DOCK8: variants seen among roughly 807,000 people sequenced by gnomAD.
The protein encoded by DOCK8 is dedicator of cytokinesis 8, also known as dedicator of cytokinesis protein 8.
Under a neutral mutation model 245.6 loss-of-function variants are expected in DOCK8, and 141 were observed. The observed-to-expected ratio is 0.57, with a 90% CI of 0.50 to 0.66. DOCK8 has a LOEUF of 0.66. Ranked by LOEUF, DOCK8 falls within the 30% of genes least tolerant of loss-of-function variation. The pLI, the probability that DOCK8 is intolerant of heterozygous loss-of-function variation, is 0.00. For missense variants in DOCK8, 2,965 were observed against 2,603.4 expected (o/e 1.14, Z -3.02); for synonymous variants, 1,168 against 970.2 (o/e 1.20, Z -3.79).
intron 29 of DOCK8, among the ~76,000 whole-genome samples, chr9:415,617 T>C (rs879606716): frequency 3.9e-5 from 6 of 152,122 alleles, no homozygotes; most frequent in Non-Finnish European, 2.9e-5. Flanking sequence ...GAACTTCTTA[T>C]GTTGACCTGA....
intron 40 of DOCK8, among the ~76,000 whole-genome samples, chr9:439,761 CA>C (rs1564071109): frequency 6.6e-6 from 1 of 151,904 alleles, no homozygotes; most frequent in Non-Finnish European, 1.5e-5. Context: ...TTTTTCCTCT[CA>C]GAGAGAAAAA....
At chr9:420,250 T>C (rs2056218653) in intron 30 of DOCK8, 151 bp from the exon 31 acceptor site, 1 of 859,214 alleles carries the variant, frequency 1.2e-6, no homozygotes, top group South Asian at 1.5e-5. Context: ...GCAGGGCTAC[T>C]GGCAATAGAT....
Position 382,493 on chromosome 9 carries a change from C to A in DOCK8, c.2606-20C>A. 6.2e-7 allele frequency: 1 copy of A among 1,613,240 alleles called. No individual in the cohort carries two copies. On this transcript the variant is annotated intron_variant, in intron 21 of 47. Transcript: ENST00000432829. ...TCTGTTCCCCTGTCTGTTGACATGT[C>A]TCTGCCTGGTGGGGTGCAGGCGCTC...
intron 20 of DOCK8, among the ~76,000 whole-genome samples, chr9:378,086 A>G (rs67283074): frequency 0.28 from 42,472 of 152,096 alleles, 6,697 homozygotes; most frequent in African/African-American, 0.43. Flanking sequence ...AACCAAGAGC[A>G]TCTCAGACCT....
rs573285982 is a variant in DOCK8, at chr9:385,011, G to A, written c.2779-1320G>A. On this transcript the variant is annotated intron_variant, in intron 22 of 47. Transcript: ENST00000432829. ...TAGTTTGAGCCATCAGGAATTATTC[G>A]TATTCTATCCTTTTTGACTTACAAA... Among the ~76,000 whole-genome samples the A allele has an allele frequency of 1.5e-3, 226 of 152,290 alleles. 1 individual carries two copies. Among genetic ancestry groups the A allele is most frequent in the African/African-American group, 5.0e-3 (206 of 41,564 alleles).
At chr9:441,838 CATA>C in intron 41 of DOCK8, 34 bp from the exon 42 acceptor site, 2 of 1,613,806 alleles carry the variant, frequency 1.2e-6, no homozygotes, top group Non-Finnish European at 1.7e-6. Flanking sequence ...CTCAGGATGA[CATA>C]ACTAAGGAGA....
At chr9:392,947 G>T (rs2054268197) in intron 24 of DOCK8, among the ~76,000 whole-genome samples, 1 of 151,854 alleles carries the variant, frequency 6.6e-6, no homozygotes, top group African/African-American at 2.4e-5. Flanking sequence ...TTACCTGGGT[G>T]TGGTAACATG....
chr9:317,303 T>TC (rs1451571906), intron 7 of DOCK8, among the ~76,000 whole-genome samples, 175 bp downstream of exon 7: 5 of 152,210 alleles, frequency 3.3e-5, no homozygotes, highest in African/African-American at 1.2e-4. Context: ...GGATTTTTTT[T>TC]CTACCAACTT....
At chr9:458,846 G>T (rs10974576) in intron 46 of DOCK8, among the ~76,000 whole-genome samples, 85,581 of 151,686 alleles carry the variant, frequency 0.56, 27,544 homozygotes, top group East Asian at 0.95. Context: ...TGCAGGGGGG[G>T]TGAGGGCAGC....
intron 22 of DOCK8, 128 bp downstream of exon 22, chr9:382,813 C>A: frequency 8.2e-7 from 1 of 1,215,122 alleles, no homozygotes. Context: ...TAATGCTCAG[C>A]TTTGGAGTGA....
At chr9:365,775 C>A in intron 14 of DOCK8, 1 of 400,068 alleles carries the variant, frequency 2.5e-6, no homozygotes, top group Non-Finnish European at 4.9e-6. Context: ...GCTTAACAGA[C>A]ATTAGCTCTG....
chr9:214,212 T>C, upstream of DOCK8: 1 of 403,564 alleles, frequency 2.5e-6, no homozygotes. Flanking sequence ...TTAGCAGACC[T>C]CAGTCTGAAA....
At chr9:414,656 C>G in intron 28 of DOCK8, 126 bp from the exon 29 acceptor site, 1 of 1,141,774 alleles carries the variant, frequency 8.8e-7, no homozygotes, top group Non-Finnish European at 1.3e-6. Flanking sequence ...TAGTTCTATC[C>G]TATATTGCTT....
rs2047192259 is a variant in DOCK8, at chr9:234,197, T to C, written c.53+19168T>C. Among the ~76,000 whole-genome samples the C allele has an allele frequency of 1.3e-5, 2 of 152,226 alleles. 1 individual carries two copies. Among genetic ancestry groups the C allele is most frequent in the South Asian group, 4.1e-4 (2 of 4,838 alleles). On this transcript the variant is annotated intron_variant, in intron 1 of 47. Coordinates refer to ENST00000432829, the MANE Select transcript of DOCK8 (RefSeq NM_203447.4). ...ATATGAAATTCTGCATTGAAAATTC[T>C]TTCCTTTCAGAATGTTGAATATTGG...
chr9:403,702 A>G (rs2055217661), intron 26 of DOCK8, among the ~76,000 whole-genome samples: 1 of 151,412 alleles, frequency 6.6e-6, no homozygotes, highest in Admixed American at 6.6e-5. Flanking sequence ...CATCTCTACT[A>G]AAAATACAAA....
chr9:235,762 A>T (rs547760251), intron 1 of DOCK8, among the ~76,000 whole-genome samples: 1 of 152,262 alleles, frequency 6.6e-6, no homozygotes, highest in African/African-American at 2.4e-5. Flanking sequence ...AAAGCGCAGT[A>T]TTAGGGTGGG....
Position 422,069 on chromosome 9 carries a change from T to G in DOCK8, c.4175T>G (p.Leu1392Arg). 3 of 1,614,140 alleles carry G rather than the reference T, an allele frequency of 1.9e-6. No individual in the cohort carries two copies. Among genetic ancestry groups the G allele is most frequent in the Non-Finnish European group, 2.5e-6 (3 of 1,180,024 alleles). Residue 1392 changes from leucine (L) to arginine (R), a missense_variant, in exon 33 of 48, where the codon CTA becomes CGA. Coordinates refer to ENST00000432829, the MANE Select transcript of DOCK8 (RefSeq NM_203447.4). ...RAPGNDRFPG[L>R]NENLRWKKEQ... is the part of the protein sequence containing the mutation. ...CTAGGGAACGACCGATTTCCAGGCC[T>G]AAATGAAAATTTGAGATGGAAGAAA...
At chr9:311,844 C>G (rs779080186) in intron 5 of DOCK8, 110 bp from the exon 6 acceptor site, 23 of 1,353,026 alleles carry the variant, frequency 1.7e-5, no homozygotes, top group Non-Finnish European at 2.3e-5. Context: ...TGAGGCCTGG[C>G]TGAGATTCTG....
intron 2 of DOCK8, among the ~76,000 whole-genome samples, chr9:281,419 G>T (rs960262041): frequency 6.6e-5 from 10 of 152,110 alleles, no homozygotes. Flanking sequence ...ACCACATATA[G>T]CAGAACAGCA....
Sources: allele counts gnomAD v4.1 joint callset (sites outside exome capture counted in the v4.1 genomes callset), GRCh38; gene constraint gnomAD v4.1.1; transcripts MANE v1.5; gene names NCBI Gene and HGNC (gene_info 2026-07-23, HGNC 2026-07-21).